The following IGF1 variants were observed in gnomAD, a reference collection of about 807,000 sequenced individuals.
The protein encoded by IGF1 is insulin like growth factor 1.
Under a neutral mutation model 13.8 loss-of-function variants are expected in IGF1, and 4 were observed. The observed-to-expected ratio is 0.29, with a 90% confidence interval of 0.14 to 0.66. The LOEUF is 0.66. Ranked by LOEUF, IGF1 falls within the 30% of genes least tolerant of loss-of-function variation. The probability of loss-of-function intolerance (pLI) is 0.78; values close to 1 mark genes in which losing one functional copy is unlikely to be tolerated. For synonymous variants in IGF1, 76 were observed against 72.6 expected (o/e 1.05, Z -0.23); for missense variants, 124 against 188.5 (o/e 0.66, Z 2.00).
chr12:102,473,982 A>G (rs182244067), intron 2 of IGF1, among the ~76,000 whole-genome samples: 1 of 152,332 alleles, frequency 6.6e-6, no homozygotes, highest in East Asian at 1.9e-4. Context: ...GTAACAGAGG[A>G]CACTTCTAGG....
At chr12:102,412,626 AAATAAAG>A (rs1213372758) in intron 3 of IGF1, among the ~76,000 whole-genome samples, 2 of 152,226 alleles carry the variant, frequency 1.3e-5, no homozygotes, top group Non-Finnish European at 2.9e-5. Context: ...TTAGTTAAAA[AAATAAAG>A]ATGGGAATTT....
At chr12:102,444,449 C>T (rs1565986928) in intron 2 of IGF1, among the ~76,000 whole-genome samples, 1 of 152,078 alleles carries the variant, frequency 6.6e-6, no homozygotes, top group East Asian at 1.9e-4. Flanking sequence ...CCAATACCAC[C>T]TCAACTTCAT....
intron 3 of IGF1, chr12:102,417,761 T>C: frequency 6.2e-7 from 1 of 1,605,366 alleles, no homozygotes. Context: ...CTTTTCATTC[T>C]TGCTGTCTGC....
intron 3 of IGF1, among the ~76,000 whole-genome samples, chr12:102,412,049 T>C (rs956744353): frequency 3.9e-5 from 6 of 152,186 alleles, no homozygotes; most frequent in African/African-American, 9.7e-5. Flanking sequence ...GGAAAGTTAC[T>C]GCAGTCTATA....
At chr12:102,473,875 T>C (rs538901175) in intron 2 of IGF1, among the ~76,000 whole-genome samples, 1 of 152,348 alleles carries the variant, frequency 6.6e-6, no homozygotes, top group South Asian at 2.1e-4. Flanking sequence ...CATCATTTAA[T>C]GCAAACATCA....
intron 3 of IGF1, among the ~76,000 whole-genome samples, chr12:102,409,431 A>T (rs542991258): frequency 1.3e-5 from 2 of 152,352 alleles, no homozygotes; most frequent in Middle Eastern, 6.8e-3. Context: ...CAAAGTGGCA[A>T]ACCAGGAAAT....
At chr12:102,442,511 C>T (rs759492153) in intron 2 of IGF1, among the ~76,000 whole-genome samples, 14 of 152,104 alleles carry the variant, frequency 9.2e-5, no homozygotes, top group African/African-American at 3.4e-4. Context: ...AGTGAAAAGG[C>T]ATGCTCTTTG....
chr12:102,441,906 G>GCTGCTTCTTCTTCTTCTTCTTTCTT, intron 2 of IGF1, among the ~76,000 whole-genome samples: 22 of 100,342 alleles, frequency 2.2e-4, no homozygotes, highest in Middle Eastern at 4.4e-3. Flanking sequence ...CTATTACACT[G>GCTGCTTCTTCTTCTTCTTCTTTCTT]CTTCTTCTCC....
chr12:102,449,263 C>T (rs1443100596), intron 2 of IGF1, among the ~76,000 whole-genome samples: 1 of 151,914 alleles, frequency 6.6e-6, no homozygotes, highest in Non-Finnish European at 1.5e-5. Flanking sequence ...ATGGATGAAG[C>T]TGAAAACCAT....
At chr12:102,418,817 G>A (rs1368815883) in intron 3 of IGF1, among the ~76,000 whole-genome samples, 1 of 152,218 alleles carries the variant, frequency 6.6e-6, no homozygotes, top group African/African-American at 2.4e-5. Context: ...TTTGTTTACA[G>A]TCTAGCTCTT....
chr12:102,418,131 C>G, intron 3 of IGF1: 1 of 920,700 alleles, frequency 1.1e-6, no homozygotes, highest in South Asian at 2.0e-5. Context: ...GGGGTCTAGA[C>G]CTCAGTCACA....
intron 2 of IGF1, among the ~76,000 whole-genome samples, chr12:102,424,310 G>T (rs1876016776): frequency 6.7e-6 from 1 of 150,318 alleles, no homozygotes; most frequent in South Asian, 2.1e-4. Flanking sequence ...GCTATTTCTA[G>T]AAAATGTTCA....
At chr12:102,407,049 G>A (rs531674391) in intron 3 of IGF1, among the ~76,000 whole-genome samples, 123 of 142,124 alleles carry the variant, frequency 8.7e-4, no homozygotes, top group Non-Finnish European at 2.1e-4. Context: ...AGCTGAGATT[G>A]TGCCACTGCA....
At position 102,441,124 on chromosome 12, in the gene IGF1, G is replaced by A. The variant is rs5742656; in HGVS notation, c.221-21434C>T. ...TGGACAGGCACCCTAGTGACTCATG[G>A]GAATTATTTTCTAAAAGCTCTATTA... On this transcript the variant is annotated intron_variant, in intron 2 of 3. Transcript: ENST00000337514. Among the ~76,000 whole-genome samples, 1,357 of 152,232 alleles carry A rather than the reference G, an allele frequency of 8.9e-3. 12 individuals carry two copies. Among genetic ancestry groups the A allele is most frequent in the Non-Finnish European group, 0.013 (900 of 68,018 alleles).
chr12:102,466,512 T>C (rs911653453), intron 2 of IGF1, among the ~76,000 whole-genome samples: 3 of 152,140 alleles, frequency 2.0e-5, no homozygotes, highest in Non-Finnish European at 2.9e-5. Context: ...CAGCAAAAAA[T>C]AGTCTGACCC....
chr12:102,448,930 A>G (rs1367311163), intron 2 of IGF1, among the ~76,000 whole-genome samples: 1 of 152,138 alleles, frequency 6.6e-6, no homozygotes, highest in Non-Finnish European at 1.5e-5. Context: ...AGAAATAGAA[A>G]TGCTTTTTCA....
chr12:102,473,053 C>A (rs1485152651), intron 2 of IGF1, among the ~76,000 whole-genome samples: 1 of 152,118 alleles, frequency 6.6e-6, no homozygotes, highest in Non-Finnish European at 1.5e-5. Flanking sequence ...CAATTCAATT[C>A]AATCCTGTCA....
chr12:102,427,281 C>A (rs1876292314), intron 2 of IGF1, among the ~76,000 whole-genome samples: 1 of 152,062 alleles, frequency 6.6e-6, no homozygotes, highest in Admixed American at 6.5e-5. Context: ...AGCTATGCCA[C>A]CAGCATTATC....
intron 2 of IGF1, among the ~76,000 whole-genome samples, chr12:102,456,221 G>GGTGTGTGTGTGTGT (rs59075811): frequency 1.4e-5 from 2 of 140,188 alleles, no homozygotes; most frequent in African/African-American, 5.3e-5. Context: ...ATTTAAAAAA[G>GGTGTGTGTGTGTGT]GTGTGTGTGT....
Sources: allele counts gnomAD v4.1 joint callset (sites outside exome capture counted in the v4.1 genomes callset), GRCh38; gene constraint gnomAD v4.1.1; transcripts MANE v1.5; gene names NCBI Gene and HGNC (gene_info 2026-07-23, HGNC 2026-07-21).